Variants in TSPAN9 observed in about 807,000 individuals in gnomAD.
TSPAN9 encodes tetraspanin 9.
In TSPAN9, 16 loss-of-function variants were observed where a neutral mutation model predicts 31.0. The observed-to-expected ratio is 0.52, with a 90% CI of 0.35 to 0.78. The LOEUF is 0.78. Among genes scored for constraint, TSPAN9 ranks in the 30% least tolerant of loss-of-function variants. The pLI is 0.01. For synonymous variants in TSPAN9, 145 were observed against 121.6 expected (o/e 1.19, Z -1.27); for missense variants, 272 against 312.5 (o/e 0.87, Z 0.98).
chr12:3,157,873 A>G (rs150184587), intron 2 of TSPAN9, among the ~76,000 whole-genome samples: 18 of 152,346 alleles, frequency 1.2e-4, no homozygotes, highest in Non-Finnish European at 1.8e-4. Flanking sequence ...GGCCTCAGAC[A>G]TGATTATAGG....
chr12:3,194,007 A>C (rs1348872412), intron 2 of TSPAN9, among the ~76,000 whole-genome samples: 1 of 152,194 alleles, frequency 6.6e-6, no homozygotes, highest in Non-Finnish European at 1.5e-5. Flanking sequence ...CTTTCCAGGA[A>C]CAATTCCATA....
intron 2 of TSPAN9, among the ~76,000 whole-genome samples, chr12:3,104,341 T>G (rs1321607082): frequency 1.9e-5 from 2 of 104,256 alleles, no homozygotes; most frequent in African/African-American, 8.4e-5. Context: ...CTAATAACTG[T>G]TTTTTTTTTT....
intron 3 of TSPAN9, among the ~76,000 whole-genome samples, chr12:3,245,698 A>G (rs1175679590): frequency 6.6e-6 from 1 of 152,194 alleles, no homozygotes. Flanking sequence ...CCCAACCCCC[A>G]ACACGCTTTG....
At chr12:3,096,391 A>G (rs7965579) in intron 2 of TSPAN9, among the ~76,000 whole-genome samples, 93,460 of 151,910 alleles carry the variant, frequency 0.62, 29,453 homozygotes, top group African/African-American at 0.74. Flanking sequence ...AGAGGCAGGG[A>G]CATTTCTAAC....
chr12:3,180,765 C>G (rs1272543098), intron 2 of TSPAN9, among the ~76,000 whole-genome samples: 1 of 152,218 alleles, frequency 6.6e-6, no homozygotes, highest in Non-Finnish European at 1.5e-5. Context: ...AGGTCTCCAT[C>G]ACCTTAACAT....
rs561455135 is a variant in TSPAN9 at position 3,116,726 on chromosome 12, G to A, written c.-18+33007G>A. Among the ~76,000 whole-genome samples, 14 of 152,262 alleles carry A rather than the reference G, an allele frequency of 9.2e-5. No individual in the cohort carries two copies. The East Asian group carries it at 2.7e-3, about 29-fold the overall frequency. ...GCCTTTCCGGAGCCATCCTTTGGCC[G>A]TGCCTCTGCCGTCAGAGCCCGGGAG... is the stretch of plus-strand genomic sequence containing the variant. On this transcript the variant is annotated intron_variant, in intron 2 of 8. Transcript: ENST00000011898.
intron 3 of TSPAN9, among the ~76,000 whole-genome samples, chr12:3,209,305 G>A (rs186538332): frequency 6.6e-6 from 1 of 152,136 alleles, no homozygotes; most frequent in East Asian, 1.9e-4. Context: ...TGATAGTCGT[G>A]GCCATAGTGC....
At chr12:3,176,865 C>T (rs1309628846) in intron 2 of TSPAN9, among the ~76,000 whole-genome samples, 1 of 152,206 alleles carries the variant, frequency 6.6e-6, no homozygotes, top group Non-Finnish European at 1.5e-5. Flanking sequence ...TTTAAATATT[C>T]CATGAAAATT....
At chr12:3,251,801 C>T (rs1389227659) in intron 3 of TSPAN9, among the ~76,000 whole-genome samples, 8 of 152,158 alleles carry the variant, frequency 5.3e-5, no homozygotes, top group African/African-American at 1.9e-4. Context: ...GAGCTCAGAG[C>T]TGGGATAGGA....
At chr12:3,160,136 G>A (rs988185952) in intron 2 of TSPAN9, among the ~76,000 whole-genome samples, 1 of 152,130 alleles carries the variant, frequency 6.6e-6, no homozygotes, top group Non-Finnish European at 1.5e-5. Flanking sequence ...TCTGTGTTCT[G>A]TCTGTGGTGT....
chr12:3,090,368 C>T (rs1467403095), intron 2 of TSPAN9, among the ~76,000 whole-genome samples: 1 of 152,236 alleles, frequency 6.6e-6, no homozygotes, highest in African/African-American at 2.4e-5. Flanking sequence ...CTGGTCTCTG[C>T]AGTCTTGCCT....
chr12:3,108,104 C>G (rs1215477431), intron 2 of TSPAN9, among the ~76,000 whole-genome samples: 4 of 152,226 alleles, frequency 2.6e-5, no homozygotes, highest in African/African-American at 9.6e-5. Context: ...AGCACCTGTG[C>G]TCACCCCTGT....
chr12:3,225,742 T>C (rs377557453), intron 3 of TSPAN9, among the ~76,000 whole-genome samples: 306 of 140,876 alleles, frequency 2.2e-3, no homozygotes, highest in African/African-American at 8.3e-3. Context: ...GCAGAAGGGA[T>C]TTTTTTTTTT....
chr12:3,254,274 T>C (rs985890523), intron 3 of TSPAN9, among the ~76,000 whole-genome samples: 2 of 152,222 alleles, frequency 1.3e-5, no homozygotes, highest in African/African-American at 2.4e-5. Flanking sequence ...GCTTCTTTTC[T>C]GACCTTTTCA....
intron 3 of TSPAN9, among the ~76,000 whole-genome samples, chr12:3,278,086 A>C (rs1862822979): frequency 6.6e-6 from 1 of 152,186 alleles, no homozygotes; most frequent in Non-Finnish European, 1.5e-5. Flanking sequence ...AGAGTAACCT[A>C]ACCACTCACA....
chr12:3,090,582 C>G (rs546437770), intron 2 of TSPAN9, among the ~76,000 whole-genome samples: 18 of 152,354 alleles, frequency 1.2e-4, no homozygotes, highest in African/African-American at 4.3e-4. Flanking sequence ...GCCTCACACA[C>G]GCATTGTCTG....
intron 3 of TSPAN9, among the ~76,000 whole-genome samples, chr12:3,238,108 T>A (rs898805243): frequency 2.2e-4 from 34 of 152,192 alleles, no homozygotes; most frequent in African/African-American, 7.7e-4. Context: ...CATTTTCCCA[T>A]GCTGTTTACA....
chr12:3,186,329 C>A (rs1455174086), intron 2 of TSPAN9, among the ~76,000 whole-genome samples: 2 of 152,108 alleles, frequency 1.3e-5, no homozygotes, highest in Non-Finnish European at 2.9e-5. Context: ...ATGGAGTGTG[C>A]TGGGGGAGGT....
At chr12:3,154,705 T>G (rs2098341392) in intron 2 of TSPAN9, among the ~76,000 whole-genome samples, 1 of 152,256 alleles carries the variant, frequency 6.6e-6, no homozygotes, top group African/African-American at 2.4e-5. Context: ...AGTGCTTAAG[T>G]ACAAATGGGA....
Sources: allele counts gnomAD v4.1 joint callset (sites outside exome capture counted in the v4.1 genomes callset), GRCh38; gene constraint gnomAD v4.1.1; transcripts MANE v1.5; gene names NCBI Gene and HGNC (gene_info 2026-07-23, HGNC 2026-07-21).